Variants in ARHGEF4 observed in about 807,000 individuals in gnomAD.
ARHGEF4 encodes the protein Rho guanine nucleotide exchange factor 4.
In ARHGEF4, 119 loss-of-function variants were observed where a neutral mutation model predicts 162.0. The ratio of observed to expected loss-of-function variants is 0.73; its 90% CI spans 0.63 to 0.86. ARHGEF4 has a LOEUF of 0.86. ARHGEF4 is among the 40% of genes least tolerant of loss of function. The pLI, the probability that ARHGEF4 is intolerant of heterozygous loss-of-function variation, is 0.00. For missense variants in ARHGEF4, 2,488 were observed against 2,456.0 expected (o/e 1.01, Z -0.28); for synonymous variants, 1,014 against 979.9 (o/e 1.03, Z -0.65).
chr2:130,967,856 G>A (rs1361144735), intron 4 of ARHGEF4, among the ~76,000 whole-genome samples: 4 of 152,198 alleles, frequency 2.6e-5, no homozygotes, highest in Non-Finnish European at 4.4e-5. Context: ...TTAGAGCAGA[G>A]GCCAGGAGAT....
At chr2:130,997,689 A>G (rs1179712268) in intron 4 of ARHGEF4, among the ~76,000 whole-genome samples, 1 of 152,140 alleles carries the variant, frequency 6.6e-6, no homozygotes, top group African/African-American at 2.4e-5. Context: ...CATAGACTGT[A>G]TTTTCTGCCT....
At chr2:130,908,913 A>C (rs1681006411) in intron 1 of ARHGEF4, among the ~76,000 whole-genome samples, 1 of 152,212 alleles carries the variant, frequency 6.6e-6, no homozygotes, top group African/African-American at 2.4e-5. Flanking sequence ...GTACAGATGG[A>C]AAAAACATGA....
At chr2:130,926,507 T>C (rs967067418) in intron 2 of ARHGEF4, among the ~76,000 whole-genome samples, 1 of 152,186 alleles carries the variant, frequency 6.6e-6, no homozygotes, top group South Asian at 2.1e-4. Flanking sequence ...CTTTGTATCT[T>C]ATTTAAATCT....
chr2:130,991,326 C>G (rs899106645), intron 4 of ARHGEF4, among the ~76,000 whole-genome samples: 1 of 152,266 alleles, frequency 6.6e-6, no homozygotes, highest in Non-Finnish European at 1.5e-5. Flanking sequence ...GCCTCCTCTG[C>G]GTGGGCTCCC....
chr2:130,977,568 A>C (rs374205377), intron 4 of ARHGEF4, among the ~76,000 whole-genome samples: 1 of 151,376 alleles, frequency 6.6e-6, no homozygotes, highest in African/African-American at 2.4e-5. Flanking sequence ...TGTGTTGGGC[A>C]TGTTACATGT....
At chr2:130,865,029 G>C (rs56013843) in intron 1 of ARHGEF4, among the ~76,000 whole-genome samples, 1 of 152,128 alleles carries the variant, frequency 6.6e-6, no homozygotes, top group Non-Finnish European at 1.5e-5. Context: ...AAGCCGATAA[G>C]GTGATGCAAG....
intron 4 of ARHGEF4, among the ~76,000 whole-genome samples, chr2:130,977,035 GGT>G (rs1323268269): frequency 2.0e-5 from 3 of 151,500 alleles, no homozygotes; most frequent in East Asian, 1.9e-4. Context: ...AAGTGTGAAT[GGT>G]GTGTGTGTTG....
chr2:130,964,341 C>T (rs1044832271), intron 4 of ARHGEF4: 7 of 764,562 alleles, frequency 9.2e-6, no homozygotes, highest in Admixed American at 6.3e-5. Flanking sequence ...CTTTCCTTCT[C>T]CTCCCTCACT....
chr2:130,939,790 T>A (rs1683180157), intron 3 of ARHGEF4, among the ~76,000 whole-genome samples: 1 of 152,248 alleles, frequency 6.6e-6, no homozygotes, highest in African/African-American at 2.4e-5. Flanking sequence ...ATTTTCTGCA[T>A]ACAGATCCTC....
At chr2:130,954,202 A>C (rs1408251295) in intron 4 of ARHGEF4, among the ~76,000 whole-genome samples, 1 of 152,164 alleles carries the variant, frequency 6.6e-6, no homozygotes, top group Non-Finnish European at 1.5e-5. Flanking sequence ...GCATATATAC[A>C]CCGTGGAATA....
At chr2:130,895,165 A>G (rs80142910) in intron 1 of ARHGEF4, among the ~76,000 whole-genome samples, 4,087 of 152,200 alleles carry the variant, frequency 0.027, 158 homozygotes, top group African/African-American at 0.092. Context: ...CTGGAGCCCT[A>G]TGGAAATAAG....
At chr2:130,890,285 G>A (rs1331014955) in intron 1 of ARHGEF4, among the ~76,000 whole-genome samples, 2 of 151,976 alleles carry the variant, frequency 1.3e-5, no homozygotes, top group Admixed American at 6.6e-5. Context: ...ATTTTGCCTG[G>A]GCATGGTGGC....
chr2:131,035,863 T>C, intron 5 of ARHGEF4: 1 of 985,328 alleles, frequency 1.0e-6, no homozygotes, highest in Non-Finnish European at 1.2e-6. Context: ...GGGAGGGCAG[T>C]GGCGGTCACA....
rs1309617488 is a variant in ARHGEF4, at chr2:131,043,504, C to A, written c.5078C>A (p.Thr1693Asn). The change falls in exon 11 of 14, where the codon ACT becomes AAT. Residue 1693 changes from threonine to asparagine, a missense_variant. Physicochemically the swap from Thr to Asn is moderately conservative, Grantham distance 65 (BLOSUM62 0). This residue lies in a region of ARHGEF4 where 415 missense variants were observed against 512.4 expected (regional missense o/e 0.81). Coordinates refer to ENST00000409359, the MANE Select transcript of ARHGEF4 (RefSeq NM_001367493.1). ...SSELIYSGEL[T>N]RVTQPQAKSQ... ...GAACTCATCTACTCGGGGGAGCTGA[C>A]TCGAGTTACACAGCCTCAAGCCAAA... 1 of 1,614,094 alleles carries A rather than the reference C, an allele frequency of 6.2e-7. No homozygotes were observed. The highest frequency in any genetic ancestry group is 2.2e-5 in the East Asian group (1 of 44,878).
rs113931550 is a variant in ARHGEF4 at position 131,034,310 on chromosome 2, T to C, written c.4126-4543T>C. ...ATCTCTCAGAAGGACACACTGACTG[T>C]ACCTGGGCTGTCATTCTTAAGGATA... On this transcript the variant is annotated intron_variant, in intron 5 of 13. Coordinates refer to ENST00000409359, the MANE Select transcript of ARHGEF4 (RefSeq NM_001367493.1). 1.1e-3 allele frequency among the ~76,000 whole-genome samples: 162 copies of C among 152,330 alleles called. 1 individual carries two copies. Among genetic ancestry groups the C allele is most frequent in the African/African-American group, 3.6e-3 (150 of 41,578 alleles).
intron 4 of ARHGEF4, among the ~76,000 whole-genome samples, chr2:130,978,043 A>T (rs929181817): frequency 2.0e-5 from 3 of 152,164 alleles, no homozygotes; most frequent in East Asian, 1.9e-4. Context: ...GGTGAGTTTC[A>T]CTCCTTTGAC....
rs754025262 is a variant in ARHGEF4 at position 131,044,586 on chromosome 2, C to T, written c.5401+44C>T. 38 of 1,527,452 alleles carry T rather than the reference C, an allele frequency of 2.5e-5. 1 individual carries two copies. The South Asian group carries it at 3.8e-4, about 15-fold the overall frequency. The allele number at this position is 1,527,452 out of a possible 1,614,324, so 94.6% of individuals were successfully genotyped here. On this transcript the variant is annotated intron_variant, in intron 12 of 13. Transcript: ENST00000409359. Reference sequence around the variant, plus strand: ...CCTTGCCCCGCCCCCAGGGCCCACCCGGCGCTCCCGCCTGCCTGGCCGCCT... The same window carrying T: ...CCTTGCCCCGCCCCCAGGGCCCACCTGGCGCTCCCGCCTGCCTGGCCGCCT...
At chr2:130,886,927 C>T in intron 1 of ARHGEF4, among the ~76,000 whole-genome samples, 1 of 151,754 alleles carries the variant, frequency 6.6e-6, no homozygotes, top group East Asian at 1.9e-4. Context: ...GTGGCACCAA[C>T]AAAGCAATCT....
chr2:130,998,395 T>A (rs1687543267), intron 4 of ARHGEF4, among the ~76,000 whole-genome samples: 1 of 152,168 alleles, frequency 6.6e-6, no homozygotes, highest in South Asian at 2.1e-4. Flanking sequence ...ATTTGACAAA[T>A]GTGTAATGAC....
Sources: gnomAD v4.1 joint callset for allele counts (sites outside exome capture counted in the v4.1 genomes callset) on GRCh38, gnomAD v4.1.1 for gene constraint, gnomAD v4.1.1 regional missense constraint, MANE v1.5 for transcripts, NCBI Gene and HGNC (gene_info 2026-07-23, HGNC 2026-07-21) for gene names.